The following LINGO2 variants were observed in gnomAD, a reference collection of about 807,000 sequenced individuals.
LINGO2 encodes the protein leucine-rich repeat and immunoglobulin-like domain-containing nogo receptor-interacting protein 2.
In LINGO2, 14 loss-of-function variants were observed where a neutral mutation model predicts 30.6. The ratio of observed to expected loss-of-function variants is 0.46; its 90% CI spans 0.30 to 0.72. The LOEUF (loss-of-function observed/expected upper bound fraction) is 0.72. Ranked by LOEUF, LINGO2 falls within the 30% of genes least tolerant of loss-of-function variation. The probability of loss-of-function intolerance (pLI) is 0.07; values close to 1 mark genes in which losing one functional copy is unlikely to be tolerated. For synonymous variants in LINGO2, 317 were observed against 288.5 expected (o/e 1.10, Z -1.00); for missense variants, 729 against 751.7 (o/e 0.97, Z 0.35).
chr9:28,205,848 G>A (rs189701423), intron 4 of LINGO2, among the ~76,000 whole-genome samples: 1 of 152,260 alleles, frequency 6.6e-6, no homozygotes, highest in East Asian at 1.9e-4. Flanking sequence ...TAAAGTGTCA[G>A]CTTCCCAGGT....
At chr9:29,093,726 T>A in the LINGO2 span, among the ~76,000 whole-genome samples, 1 of 136,802 alleles carries the variant, frequency 7.3e-6, no homozygotes, top group Non-Finnish European at 1.6e-5. Flanking sequence ...AAAGGTCACC[T>A]CTGTGATTTT....
At chr9:28,111,995 G>A (rs567754946) in intron 4 of LINGO2, among the ~76,000 whole-genome samples, 3 of 139,106 alleles carry the variant, frequency 2.2e-5, no homozygotes, top group Non-Finnish European at 4.6e-5. Flanking sequence ...TGCCATGCTG[G>A]TGCGCTGCAC....
At chr9:28,648,702 A>G (rs1226017970) in intron 1 of LINGO2, among the ~76,000 whole-genome samples, 1 of 152,156 alleles carries the variant, frequency 6.6e-6, no homozygotes, top group Non-Finnish European at 1.5e-5. Context: ...CACAAGTCTT[A>G]GTACTCTTAG....
intron 4 of LINGO2, among the ~76,000 whole-genome samples, chr9:28,095,893 G>C (rs1168634651): frequency 6.6e-6 from 1 of 152,156 alleles, no homozygotes; most frequent in African/African-American, 2.4e-5. Context: ...TCAAAAAGTG[G>C]GCGAAGGACA....
chr9:29,090,777 T>A, the LINGO2 span, among the ~76,000 whole-genome samples: 1 of 98,228 alleles, frequency 1.0e-5, no homozygotes, highest in Middle Eastern at 5.1e-3. Context: ...AATTTATTAT[T>A]TATTTATCCT....
chr9:28,153,898 A>G (rs1443738735), intron 4 of LINGO2, among the ~76,000 whole-genome samples: 1 of 152,234 alleles, frequency 6.6e-6, no homozygotes, highest in Non-Finnish European at 1.5e-5. Flanking sequence ...TAAGGAAAGC[A>G]AATACAATTG....
intron 3 of LINGO2, among the ~76,000 whole-genome samples, chr9:28,299,893 G>A (rs1485754331): frequency 6.6e-6 from 1 of 152,068 alleles, no homozygotes; most frequent in East Asian, 1.9e-4. Context: ...TGATACTCCT[G>A]TCTTTCCAAT....
At chr9:28,226,581 G>C (rs1454700576) in intron 4 of LINGO2, among the ~76,000 whole-genome samples, 2 of 148,544 alleles carry the variant, frequency 1.3e-5, no homozygotes, top group Non-Finnish European at 3.0e-5. Context: ...GAAAAAGAGA[G>C]AGAGAAAGAA....
chr9:27,973,439 G>T (rs1820447912), intron 5 of LINGO2, among the ~76,000 whole-genome samples: 1 of 152,190 alleles, frequency 6.6e-6, no homozygotes, highest in African/African-American at 2.4e-5. Context: ...ATAGAAGAGT[G>T]TAGAACAGAA....
rs566843128 is a variant in LINGO2 at position 27,973,979 on chromosome 9, C to G, written c.-35-23273G>C. Among the ~76,000 whole-genome samples, 13 of 152,234 alleles carry G rather than the reference C, an allele frequency of 8.5e-5. No individual in the cohort carries two copies. In the East Asian group the frequency reaches 1.9e-3, roughly 23 times the overall value. ...TTGATTAACTCCACCCTTTTCTCTT[C>G]TACTCAAGAGTACAAATGGACTCAA... On this transcript the variant is annotated intron_variant, in intron 5 of 5. Coordinates refer to ENST00000379992, the Ensembl canonical transcript of LINGO2.
At chr9:29,017,840 T>G in the LINGO2 span, among the ~76,000 whole-genome samples, 1 of 151,964 alleles carries the variant, frequency 6.6e-6, no homozygotes, top group African/African-American at 2.4e-5. Flanking sequence ...ACACGGAGAA[T>G]TGCAAGTCTA....
chr9:28,978,205 T>A, the LINGO2 span, among the ~76,000 whole-genome samples: 1 of 152,190 alleles, frequency 6.6e-6, no homozygotes, highest in Admixed American at 6.6e-5. Context: ...ATATTGGATG[T>A]ACTGGATTGT....
chr9:28,615,561 A>T (rs1407766336), intron 1 of LINGO2, among the ~76,000 whole-genome samples: 1 of 152,204 alleles, frequency 6.6e-6, no homozygotes, highest in African/African-American at 2.4e-5. Context: ...ATTATTATAA[A>T]TAATTAACAA....
chr9:28,626,215 T>A (rs1390383670), intron 1 of LINGO2, among the ~76,000 whole-genome samples: 1 of 152,154 alleles, frequency 6.6e-6, no homozygotes, highest in Non-Finnish European at 1.5e-5. Context: ...CATTATCACT[T>A]TTTGTATGAA....
At chr9:27,955,933 G>A (rs902342133) in intron 5 of LINGO2, among the ~76,000 whole-genome samples, 1 of 108,584 alleles carries the variant, frequency 9.2e-6, no homozygotes, top group African/African-American at 3.1e-5. Flanking sequence ...CATGGATACT[G>A]ACTTTTTTTT....
chr9:28,643,402 C>G (rs1827693585), intron 1 of LINGO2, among the ~76,000 whole-genome samples: 1 of 152,110 alleles, frequency 6.6e-6, no homozygotes, highest in African/African-American at 2.4e-5. Context: ...TCACAGTGAA[C>G]TCATTTTTAA....
chr9:28,320,101 G>A (rs1824985373), intron 3 of LINGO2, among the ~76,000 whole-genome samples: 1 of 152,062 alleles, frequency 6.6e-6, no homozygotes, highest in African/African-American at 2.4e-5. Context: ...GTGCACCCAA[G>A]AAAAATTCCA....
chr9:28,774,018 G>T, the LINGO2 span, among the ~76,000 whole-genome samples: 27 of 149,332 alleles, frequency 1.8e-4, no homozygotes, highest in African/African-American at 6.6e-4. Context: ...AGGTATGTGG[G>T]CCAAATGTCA....
At chr9:27,950,063 G>A in exon 6 of LINGO2, 1 of 1,614,148 alleles carries the variant, frequency 6.2e-7, no homozygotes, top group Non-Finnish European at 8.5e-7. Flanking sequence ...GCAGGCTGAT[G>A]AGGCTGCGGA....
Sources: allele counts gnomAD v4.1 joint callset (sites outside exome capture counted in the v4.1 genomes callset), GRCh38; gene constraint gnomAD v4.1.1; transcripts MANE v1.5; gene names NCBI Gene and HGNC (gene_info 2026-07-23, HGNC 2026-07-21).